Variants in C8orf34 observed in about 807,000 individuals in gnomAD.
C8orf34 encodes chromosome 8 open reading frame 34, also known as uncharacterized protein C8orf34.
Under a neutral mutation model 68.3 loss-of-function variants are expected in C8orf34, and 65 were observed. That is an observed-to-expected ratio of 0.95 (90% confidence interval 0.78 to 1.17). C8orf34 has a LOEUF of 1.17. C8orf34 is among the 50% of genes most tolerant of loss of function. The pLI is 0.00. For missense variants in C8orf34, 664 were observed against 655.4 expected, an observed-to-expected ratio of 1.01 and a Z score of -0.14; for synonymous variants, 244 against 241.2, an observed-to-expected ratio of 1.01 and a Z score of -0.11.
intron 1 of C8orf34, among the ~76,000 whole-genome samples, chr8:68,353,217 T>C (rs1806589441): frequency 6.6e-6 from 1 of 151,988 alleles, no homozygotes. Context: ...TTAATGGCTA[T>C]GTAAGGGACA....
chr8:68,511,247 C>T (rs76012326), intron 5 of C8orf34, among the ~76,000 whole-genome samples: 8 of 152,060 alleles, frequency 5.3e-5, no homozygotes, highest in African/African-American at 1.7e-4. Context: ...TGGTGCGCCT[C>T]GTGGATGGAG....
At chr8:68,721,298 A>G in intron 9 of C8orf34, 63 bp from the exon 10 acceptor site, 1 of 1,042,368 alleles carries the variant, frequency 9.6e-7, no homozygotes, top group East Asian at 2.6e-5. Flanking sequence ...ACAGGTTTAT[A>G]TATCAGAGAA....
At chr8:68,504,536 T>C (rs1813919211) in intron 5 of C8orf34, among the ~76,000 whole-genome samples, 1 of 152,194 alleles carries the variant, frequency 6.6e-6, no homozygotes. Flanking sequence ...TTTTTCTTTC[T>C]TTTGAGACAG....
chr8:68,612,962 C>T (rs1294734984), intron 7 of C8orf34, among the ~76,000 whole-genome samples: 1 of 152,130 alleles, frequency 6.6e-6, no homozygotes, highest in Admixed American at 6.6e-5. Context: ...AAGGTGCTGA[C>T]CAGTCGAGAA....
At chr8:68,381,145 A>T (rs1808012895) in intron 1 of C8orf34, among the ~76,000 whole-genome samples, 1 of 152,226 alleles carries the variant, frequency 6.6e-6, no homozygotes, top group African/African-American at 2.4e-5. Context: ...TTTAAGAAGT[A>T]CAAGAAGCTT....
chr8:68,528,674 G>T (rs1343914222), intron 6 of C8orf34, among the ~76,000 whole-genome samples: 1 of 152,126 alleles, frequency 6.6e-6, no homozygotes, highest in Admixed American at 6.5e-5. Flanking sequence ...GGGCACACTG[G>T]TGCTACCCGG....
At chr8:68,560,557 G>A (rs1816391596) in intron 7 of C8orf34, among the ~76,000 whole-genome samples, 1 of 152,256 alleles carries the variant, frequency 6.6e-6, no homozygotes, top group Admixed American at 6.5e-5. Context: ...AACCTAGACG[G>A]TACAGCCTAC....
intron 9 of C8orf34, among the ~76,000 whole-genome samples, chr8:68,710,705 C>T (rs1027465095): frequency 1.3e-5 from 2 of 152,136 alleles, no homozygotes; most frequent in Non-Finnish European, 2.9e-5. Context: ...GCTGTGGTAG[C>T]CAAAGACAAA....
intron 7 of C8orf34, among the ~76,000 whole-genome samples, chr8:68,587,562 T>G (rs1405072519): frequency 6.6e-6 from 1 of 152,008 alleles, no homozygotes; most frequent in African/African-American, 2.4e-5. Flanking sequence ...GAAAGATAGA[T>G]AAGCATTGTA....
chr8:68,395,114 G>T (rs1808639143), intron 1 of C8orf34, among the ~76,000 whole-genome samples: 1 of 151,880 alleles, frequency 6.6e-6, no homozygotes, highest in Admixed American at 6.6e-5. Flanking sequence ...CAAATATGTG[G>T]AAAAAGTACA....
rs777657846 is a variant in C8orf34 at position 68,640,419 on chromosome 8, A to G, written c.1149A>G (p.Val383=). ...DLRMEGVTTL[V]PSGSKFNQGR... The stretch of plus-strand genomic sequence containing the variant: ...GAATGGAGGGAGTAACAACCCTGGT[A>G]CCTTCTGGGAGCAAATTTAACCAAG... Residue 383 remains valine, a synonymous_variant, in exon 8 of 14, where the codon GTA becomes GTG. Coordinates refer to ENST00000518698, the MANE Select transcript of C8orf34 (RefSeq NM_052958.4). The G allele has an allele frequency of 6.2e-6, 10 of 1,613,688 alleles. No individual in the cohort carries two copies. Among genetic ancestry groups the G allele is most frequent in the Non-Finnish European group, 7.6e-6 (9 of 1,179,824 alleles).
chr8:68,595,476 T>C (rs183925639), intron 7 of C8orf34, among the ~76,000 whole-genome samples: 1 of 152,250 alleles, frequency 6.6e-6, no homozygotes, highest in Admixed American at 6.5e-5. Context: ...ATAATCTATT[T>C]TTTGTCTCTC....
At chr8:68,589,947 AG>A (rs1400120894) in intron 7 of C8orf34, among the ~76,000 whole-genome samples, 5 of 150,442 alleles carry the variant, frequency 3.3e-5, no homozygotes, top group African/African-American at 1.2e-4. Flanking sequence ...GGAAGGAAGG[AG>A]GAAAGGAAGA....
intron 7 of C8orf34, 26 bp downstream of exon 7, chr8:68,533,175 C>A: frequency 6.5e-7 from 1 of 1,547,210 alleles, no homozygotes; most frequent in African/African-American, 1.4e-5. Context: ...AATAATTTCT[C>A]ATTTTCTTCT....
intron 1 of C8orf34, among the ~76,000 whole-genome samples, chr8:68,397,988 C>T (rs943452336): frequency 6.6e-5 from 10 of 152,004 alleles, no homozygotes; most frequent in South Asian, 2.1e-4. Context: ...AGGCTGGTCT[C>T]GAACTCCTGG....
At chr8:68,690,230 G>T (rs1276223383) in intron 8 of C8orf34, among the ~76,000 whole-genome samples, 1 of 151,792 alleles carries the variant, frequency 6.6e-6, no homozygotes, top group East Asian at 1.9e-4. Context: ...TTAGCGTTCA[G>T]ATAATACAAT....
intron 12 of C8orf34, among the ~76,000 whole-genome samples, chr8:68,794,469 GTATATAAATATAAATATATATATA>G: frequency 9.0e-6 from 1 of 110,610 alleles, no homozygotes; most frequent in African/African-American, 4.5e-5. Context: ...ATTGTGCCCA[GTATATAAATATAAATATATATATA>G]TATATATATA....
intron 9 of C8orf34, among the ~76,000 whole-genome samples, chr8:68,717,871 T>G (rs1276865751): frequency 6.6e-6 from 1 of 152,132 alleles, no homozygotes; most frequent in Non-Finnish European, 1.5e-5. Context: ...GGTGATGACA[T>G]GGCATGTTCT....
chr8:68,630,215 A>G (rs1034696804), intron 7 of C8orf34, among the ~76,000 whole-genome samples: 1 of 152,128 alleles, frequency 6.6e-6, no homozygotes, highest in Non-Finnish European at 1.5e-5. Context: ...ATTTTCTAGT[A>G]CTCACATTAA....
Sources: allele counts gnomAD v4.1 joint callset (sites outside exome capture counted in the v4.1 genomes callset), GRCh38; gene constraint gnomAD v4.1.1; transcripts MANE v1.5; gene names NCBI Gene and HGNC (gene_info 2026-07-23, HGNC 2026-07-21).